The following GARRE1 variants were observed in gnomAD, a reference collection of about 807,000 sequenced individuals.
The protein encoded by GARRE1 is granule associated Rac and RHOG effector protein 1.
In GARRE1, 49 loss-of-function variants were observed where a neutral mutation model predicts 103.2. The ratio of observed to expected loss-of-function variants is 0.47; its 90% CI spans 0.38 to 0.60. The LOEUF is 0.60. Among genes scored for constraint, GARRE1 ranks in the 20% least tolerant of loss-of-function variants. The pLI is 0.00. For synonymous variants in GARRE1, 505 were observed against 532.8 expected, an observed-to-expected ratio of 0.95 and a Z score of 0.72; for missense variants, 1,199 against 1,370.5, an observed-to-expected ratio of 0.87 and a Z score of 1.98.
At chr19:34,317,744 C>T (rs2074066585) in intron 2 of GARRE1, among the ~76,000 whole-genome samples, 1 of 152,186 alleles carries the variant, frequency 6.6e-6, no homozygotes, top group Non-Finnish European at 1.5e-5. Flanking sequence ...ATCTTGTTGT[C>T]TATGAAGGGA....
intron 1 of GARRE1, among the ~76,000 whole-genome samples, chr19:34,294,226 C>T (rs187668606): frequency 5.6e-4 from 84 of 149,206 alleles, no homozygotes; most frequent in East Asian, 4.9e-3. Context: ...TCAAGGCCAG[C>T]GTGGACAACA....
intron 2 of GARRE1, among the ~76,000 whole-genome samples, chr19:34,312,946 ATAAT>A (rs1167062594): frequency 6.6e-6 from 1 of 152,198 alleles, no homozygotes. Context: ...AAAAATAAAA[ATAAT>A]AAATAAATAA....
chr19:34,291,594 C>T (rs1372434684), intron 1 of GARRE1, among the ~76,000 whole-genome samples: 1 of 152,170 alleles, frequency 6.6e-6, no homozygotes, highest in Non-Finnish European at 1.5e-5. Flanking sequence ...GATGGTTGAA[C>T]TTCTGTAACA....
intron 1 of GARRE1, among the ~76,000 whole-genome samples, chr19:34,293,037 A>G (rs1364087045): frequency 6.6e-6 from 1 of 152,112 alleles, no homozygotes; most frequent in Non-Finnish European, 1.5e-5. Context: ...GCAATGTATG[A>G]GTGTTTTGAT....
At chr19:34,278,333 A>C (rs1436320038) in intron 1 of GARRE1, among the ~76,000 whole-genome samples, 1 of 151,024 alleles carries the variant, frequency 6.6e-6, no homozygotes, top group African/African-American at 2.4e-5. Flanking sequence ...AGTCCCAGCT[A>C]CTTGGGAGGC....
At chr19:34,324,585 T>G (rs2074103623) in intron 3 of GARRE1, among the ~76,000 whole-genome samples, 1 of 151,968 alleles carries the variant, frequency 6.6e-6, no homozygotes, top group East Asian at 1.9e-4. Context: ...TACTGCAATC[T>G]TGACCTCCTC....
rs558292019 is a variant in GARRE1, at chr19:34,258,339, A to G, written c.-796+3725A>G. On this transcript the variant is annotated intron_variant, in intron 1 of 13. Coordinates refer to ENST00000299505, the MANE Select transcript of GARRE1 (RefSeq NM_014686.5). ...ACATATTCCTTCCCACTTATCCAGT[A>G]TATGAGTCCTGGGTAGAGAACCACC... 8.6e-4 allele frequency among the ~76,000 whole-genome samples: 131 copies of G among 152,290 alleles called. 1 individual carries two copies. Among genetic ancestry groups the G allele is most frequent in the Non-Finnish European group, 3.5e-4 (24 of 68,024 alleles).
In GARRE1 at chr19:34,348,060, C is replaced by T; in HGVS notation, c.2687+18C>T. The T allele has an allele frequency of 7.1e-7, 1 of 1,401,862 alleles. No individual in the cohort carries two copies. The highest frequency in any genetic ancestry group is 9.4e-7 in the Non-Finnish European group (1 of 1,066,868). The allele number at this position is 1,401,862 out of a possible 1,614,324, so 86.8% of individuals were successfully genotyped here. A position where few individuals can be genotyped will look rare whatever the true frequency, so the allele number is the denominator to read the frequency against. ...ACAGAAGGGTGAGTGCTGGGTACTT[C>T]AGGGAATCTGAGCTTGAGACCCAGG... On this transcript the variant is annotated intron_variant, in intron 11 of 13. Transcript: ENST00000299505.
At chr19:34,343,446 C>G (rs2074196505) in intron 10 of GARRE1, among the ~76,000 whole-genome samples, 1 of 151,782 alleles carries the variant, frequency 6.6e-6, no homozygotes, top group Non-Finnish European at 1.5e-5. Flanking sequence ...CAAAAAAAAG[C>G]CACTTTAAGA....
At position 34,327,512 on chromosome 19, in the gene GARRE1, C is replaced by T. The variant is rs750350056; in HGVS notation, c.797C>T (p.Pro266Leu). The change falls in exon 4 of 14, where the codon CCT becomes CTT. Residue 266 changes from proline to leucine, a missense_variant. Pro to Leu is a moderately conservative substitution (Grantham distance 98). Transcript: ENST00000299505. ...QLFCSQSAAI[P>L]EHQLKELNIK... is the part of the protein sequence containing the mutation. Reference sequence around the variant, plus strand: ...TTTTGTTCTCAAAGTGCAGCAATTCCTGAGCACCAGCTAAAAGAACTGAAC... The same window carrying T: ...TTTTGTTCTCAAAGTGCAGCAATTCTTGAGCACCAGCTAAAAGAACTGAAC... 4.3e-6 allele frequency: 7 copies of T among 1,614,082 alleles called. No homozygotes were observed. Among genetic ancestry groups the T allele is most frequent in the Non-Finnish European group, 5.9e-6 (7 of 1,180,004 alleles).
intron 1 of GARRE1, among the ~76,000 whole-genome samples, chr19:34,262,588 G>A (rs557218512): frequency 9.1e-4 from 139 of 152,080 alleles, no homozygotes; most frequent in Non-Finnish European, 1.6e-3. Context: ...GAGTCACCTC[G>A]CCTGGCCTCT....
intron 2 of GARRE1, among the ~76,000 whole-genome samples, chr19:34,315,776 ATC>A (rs896099449): frequency 7.9e-5 from 12 of 152,104 alleles, no homozygotes; most frequent in Non-Finnish European, 1.5e-4. Flanking sequence ...TTAAATTAAA[ATC>A]TGTTTTACAA....
intron 1 of GARRE1, among the ~76,000 whole-genome samples, chr19:34,295,142 T>C (rs903256082): frequency 1.3e-5 from 2 of 152,218 alleles, no homozygotes; most frequent in Non-Finnish European, 2.9e-5. Context: ...AATGGTACTT[T>C]GAAGGAGCTG....
rs200498577 is a variant in GARRE1 at position 34,328,061 on chromosome 19, G to A, written c.1014G>A (p.Glu338=). 4 of 1,614,052 alleles carry A rather than the reference G, an allele frequency of 2.5e-6. No individual in the cohort carries two copies. The Admixed American group carries it at 5.0e-5, about 20-fold the overall frequency. ...RQTPPQPMQC[E]LPTVPVQIGS... ...CACCCCCGCAGCCCATGCAGTGTGAGCTCCCCACCGTCCCTGTGCAGATAG... is the reference window on the plus strand; with the variant it reads ...CACCCCCGCAGCCCATGCAGTGTGAACTCCCCACCGTCCCTGTGCAGATAG... The change falls in exon 6 of 14, where the codon GAG becomes GAA. Residue 338 remains glutamate, a synonymous_variant. Coordinates refer to ENST00000299505, the MANE Select transcript of GARRE1 (RefSeq NM_014686.5).
intron 7 of GARRE1, among the ~76,000 whole-genome samples, chr19:34,332,016 A>G (rs1454541485): frequency 6.6e-6 from 1 of 151,824 alleles, no homozygotes; most frequent in African/African-American, 2.4e-5. Flanking sequence ...AGGATATGGC[A>G]TTTCAGTCAG....
In GARRE1 at chr19:34,348,214, C is replaced by T. The variant is rs1049751840; in HGVS notation, c.2687+172C>T. ...ATCTTTAGGGGTCAGAGTCATGTGG[C>T]TGACTGTTAGATGCCAAGTAGTGTG... On this transcript the variant is annotated intron_variant, in intron 11 of 13. Coordinates refer to ENST00000299505, the MANE Select transcript of GARRE1 (RefSeq NM_014686.5). 16 of 473,214 alleles carry T rather than the reference C, an allele frequency of 3.4e-5. No homozygotes were observed. The Admixed American group carries it at 6.1e-4, about 18-fold the overall frequency. The allele number at this position is 473,214 out of a possible 1,614,324, so 29.3% of individuals were successfully genotyped here. A position where few individuals can be genotyped will look rare whatever the true frequency, so the allele number is the denominator to read the frequency against.
chr19:34,351,894 A>C (rs1032860082), intron 13 of GARRE1, among the ~76,000 whole-genome samples: 2 of 151,370 alleles, frequency 1.3e-5, no homozygotes, highest in African/African-American at 4.9e-5. Context: ...TGAGGCCAGG[A>C]GTTCTTGACC....
chr19:34,261,103 G>A (rs1036642938), intron 1 of GARRE1, among the ~76,000 whole-genome samples: 4 of 152,176 alleles, frequency 2.6e-5, no homozygotes, highest in East Asian at 1.9e-4. Context: ...CTTGCTTAGC[G>A]TCTGTCCTCC....
chr19:34,330,496 A>G (rs761736216), intron 7 of GARRE1, 149 bp downstream of exon 7: 7 of 747,460 alleles, frequency 9.4e-6, no homozygotes, highest in Non-Finnish European at 1.5e-5. Context: ...TAGACAAGGT[A>G]AAGGAAGAGC....
Sources: gnomAD v4.1 joint callset for allele counts (sites outside exome capture counted in the v4.1 genomes callset) on GRCh38, gnomAD v4.1.1 for gene constraint, MANE v1.5 for transcripts, NCBI Gene and HGNC (gene_info 2026-07-23, HGNC 2026-07-21) for gene names.